Variants in CARMIL1 observed in about 807,000 individuals in gnomAD.
CARMIL1 encodes the protein F-actin-uncapping protein LRRC16A.
CARMIL1 carries 90 observed loss-of-function variants against 177.1 expected under a neutral mutation model. The ratio of observed to expected loss-of-function variants is 0.51; its 90% confidence interval spans 0.43 to 0.61. The LOEUF is 0.61. Ranked by LOEUF, CARMIL1 falls within the 20% of genes least tolerant of loss-of-function variation. The pLI is 0.00. For synonymous variants in CARMIL1, 577 were observed against 606.2 expected, an observed-to-expected ratio of 0.95 and a Z score of 0.71; for missense variants, 1,380 against 1,667.0, an observed-to-expected ratio of 0.83 and a Z score of 3.00.
chr6:25,323,054 GT>G (rs1784807322), intron 2 of CARMIL1, among the ~76,000 whole-genome samples: 2 of 152,098 alleles, frequency 1.3e-5, no homozygotes, highest in Admixed American at 6.6e-5. Flanking sequence ...ATTCTTGGTT[GT>G]TTTGCAGATA....
chr6:25,587,305 G>A (rs2151274593), intron 31 of CARMIL1, among the ~76,000 whole-genome samples: 1 of 152,096 alleles, frequency 6.6e-6, no homozygotes, highest in East Asian at 1.9e-4. Context: ...CATTATAGCT[G>A]CTTAGCCCAT....
At chr6:25,574,551 G>A (rs1176564510) in intron 29 of CARMIL1, among the ~76,000 whole-genome samples, 2 of 152,196 alleles carry the variant, frequency 1.3e-5, no homozygotes, top group Non-Finnish European at 2.9e-5. Context: ...ACAATCTCAA[G>A]CTTCTCCCCG....
intron 2 of CARMIL1, among the ~76,000 whole-genome samples, chr6:25,392,177 G>A (rs1161075846): frequency 2.0e-5 from 3 of 151,462 alleles, no homozygotes; most frequent in African/African-American, 4.9e-5. Context: ...TACACAAACC[G>A]TAGATATATA....
At chr6:25,451,613 A>G (rs1235220494) in intron 8 of CARMIL1, among the ~76,000 whole-genome samples, 3 of 152,148 alleles carry the variant, frequency 2.0e-5, no homozygotes, top group African/African-American at 7.2e-5. Flanking sequence ...ATTTTTCCCC[A>G]TGTCTCTTAG....
Position 25,556,839 on chromosome 6 carries a change from G to T in CARMIL1, c.2731G>T (p.Asp911Tyr), listed in dbSNP as rs771287558. ...LTEIERLEDL[D>Y]TCMMTPKSKR... Reference sequence around the variant, plus strand: ...AGAGATAGAGCGTTTGGAAGATCTGGATACCTGTATGGTAAGACACATCCT... The same window carrying T: ...AGAGATAGAGCGTTTGGAAGATCTGTATACCTGTATGGTAAGACACATCCT... The change falls in exon 29 of 37, where the codon GAT becomes TAT. Residue 911 changes from aspartate (D) to tyrosine (Y), a missense_variant. Coordinates refer to ENST00000329474, the MANE Select transcript of CARMIL1 (RefSeq NM_017640.6). The T allele has an allele frequency of 2.4e-5, 38 of 1,613,016 alleles. No individual in the cohort carries two copies. The highest frequency in any genetic ancestry group is 3.1e-5 in the Non-Finnish European group (36 of 1,179,414).
chr6:25,445,544 T>C (rs1280158126), intron 5 of CARMIL1, among the ~76,000 whole-genome samples: 3 of 151,612 alleles, frequency 2.0e-5, no homozygotes, highest in African/African-American at 7.3e-5. Flanking sequence ...TTCTTTTTTT[T>C]TTTTTTTTGA....
intron 2 of CARMIL1, among the ~76,000 whole-genome samples, chr6:25,336,616 G>A (rs540994360): frequency 8.5e-5 from 13 of 152,258 alleles, no homozygotes; most frequent in South Asian, 4.1e-4. Flanking sequence ...GTGCACATAC[G>A]AACATCCTGT....
intron 2 of CARMIL1, among the ~76,000 whole-genome samples, chr6:25,315,949 A>T (rs7755701): frequency 0.21 from 31,625 of 152,104 alleles, 4,229 homozygotes; most frequent in East Asian, 0.4. Context: ...GATCTGCAGG[A>T]GCTTATTTGC....
chr6:25,338,356 C>A (rs1032627394), intron 2 of CARMIL1, among the ~76,000 whole-genome samples: 2 of 152,134 alleles, frequency 1.3e-5, no homozygotes, highest in Non-Finnish European at 2.9e-5. Flanking sequence ...GCGTACAATG[C>A]TCCACTTGCT....
chr6:25,566,905 G>A (rs1811601014), intron 29 of CARMIL1, among the ~76,000 whole-genome samples: 1 of 152,220 alleles, frequency 6.6e-6, no homozygotes, highest in South Asian at 2.1e-4. Flanking sequence ...TCTTTAAACT[G>A]ATGAGGTTCA....
At chr6:25,296,702 T>C (rs904994151) in intron 2 of CARMIL1, among the ~76,000 whole-genome samples, 3 of 152,164 alleles carry the variant, frequency 2.0e-5, no homozygotes, top group Non-Finnish European at 4.4e-5. Flanking sequence ...ATGTTATCAG[T>C]GGTCATTTCT....
intron 23 of CARMIL1, chr6:25,527,658 G>A (rs1436691896): frequency 2.3e-6 from 1 of 443,914 alleles, no homozygotes; most frequent in Non-Finnish European, 4.5e-6. Context: ...GCATTAATGT[G>A]CCACTTTAAT....
intron 2 of CARMIL1, 147 bp downstream of exon 2, chr6:25,285,056 G>T: frequency 1.8e-6 from 1 of 567,794 alleles, no homozygotes; most frequent in Non-Finnish European, 3.2e-6. Context: ...AGGTTAATTG[G>T]AATATTTCTT....
rs1037870351 is a variant in CARMIL1 at position 25,418,072 on chromosome 6, A to G, written c.139-2042A>G. ...TAGACATATTGTGGTGGTTAAGGAC[A>G]CAGGCTTTGGCATTAACAGGTAAAT... is the stretch of plus-strand genomic sequence containing the variant. On this transcript the variant is annotated intron_variant, in intron 2 of 36. Transcript: ENST00000329474. 2.0e-5 allele frequency among the ~76,000 whole-genome samples: 3 copies of G among 152,340 alleles called. No homozygotes were observed. In the South Asian group the frequency reaches 6.2e-4, roughly 32 times the overall value.
rs535046673 is a variant in CARMIL1, at chr6:25,422,618, A to C, written c.189+2454A>C. On this transcript the variant is annotated intron_variant, in intron 3 of 36. Coordinates refer to ENST00000329474, the MANE Select transcript of CARMIL1 (RefSeq NM_017640.6). ...AATTAGGTCAATGAAGTTGGACTAA[A>C]CTATACGTTAAAATACCTGAAGGCA... Among the ~76,000 whole-genome samples, 12 of 152,354 alleles carry C rather than the reference A, an allele frequency of 7.9e-5. No homozygotes were observed. In the South Asian group the frequency reaches 1.2e-3, roughly 16 times the overall value.
chr6:25,397,609 G>A (rs999550019), intron 2 of CARMIL1, among the ~76,000 whole-genome samples: 1 of 152,228 alleles, frequency 6.6e-6, no homozygotes, highest in African/African-American at 2.4e-5. Context: ...TGCCTGTGAA[G>A]AGGCCATTAT....
rs1417067635 is a variant in CARMIL1, at chr6:25,509,846, G to GT, written c.1477+115dup. On this transcript the variant is annotated intron_variant, in intron 18 of 36. Coordinates refer to ENST00000329474, the MANE Select transcript of CARMIL1 (RefSeq NM_017640.6). The surrounding 1 kb of genome is among the most constrained non-coding windows in gnomAD (Gnocchi z 4.1). ...CAAACAATAGCTTAATAAAAAAATT[G>GT]TTTTTTATTTTTTGACTAATAGGGC... is the stretch of plus-strand genomic sequence containing the variant. 1.3e-6 allele frequency: 1 copy of GT among 766,588 alleles called. No individual in the cohort carries two copies. The highest frequency in any genetic ancestry group is 1.8e-5 in the African/African-American group (1 of 56,110). The allele number at this position is 766,588 out of a possible 1,614,324, so 47.5% of individuals were successfully genotyped here.
chr6:25,560,433 C>T (rs565020736), intron 29 of CARMIL1, among the ~76,000 whole-genome samples: 48 of 151,984 alleles, frequency 3.2e-4, no homozygotes, highest in African/African-American at 1.1e-3. Flanking sequence ...AACTGCAGGG[C>T]GGAAAATTAA....
In CARMIL1 at chr6:25,577,188, C is replaced by T. The variant is rs1005526287; in HGVS notation, c.2743-3736C>T. On this transcript the variant is annotated intron_variant, in intron 29 of 36. Coordinates refer to ENST00000329474, the MANE Select transcript of CARMIL1 (RefSeq NM_017640.6). This position sits in a 1 kb window ranked among gnomAD's most constrained non-coding sequence, Gnocchi z 4.5. ...AAGATGGTTCAGCTAGCAAAACAGG[C>T]GATGAATTTAAAATATCTCCAGCCA... 17 of 903,316 alleles carry T rather than the reference C, an allele frequency of 1.9e-5. No homozygotes were observed. Among genetic ancestry groups the T allele is most frequent in the African/African-American group, 7.2e-5 (4 of 55,452 alleles). 56.0% of individuals were successfully genotyped at this position (903,316 alleles called of 1,614,324 possible).
Sources: allele counts gnomAD v4.1 joint callset (sites outside exome capture counted in the v4.1 genomes callset), GRCh38; gene constraint gnomAD v4.1.1; non-coding constraint Gnocchi (gnomAD v3.1); transcripts MANE v1.5; gene names NCBI Gene and HGNC (gene_info 2026-07-23, HGNC 2026-07-21).